Variants in INTS8 observed in about 807,000 individuals in gnomAD.
INTS8 encodes integrator complex subunit 8, also known as protein kaonashi-1.
INTS8 carries 47 observed loss-of-function variants against 138.9 expected under a neutral mutation model. The ratio of observed to expected loss-of-function variants is 0.34; its 90% confidence interval spans 0.27 to 0.43. INTS8 has a LOEUF of 0.43. Among genes scored for constraint, INTS8 ranks in the 20% least tolerant of loss-of-function variants. INTS8 has a pLI of 1.00. For missense variants in INTS8, 996 were observed against 1,173.0 expected (o/e 0.85, Z 2.20); for synonymous variants, 392 against 400.9 (o/e 0.98, Z 0.27).
At chr8:94,865,368 A>G in intron 16 of INTS8, 138 bp from the exon 17 acceptor site, 1 of 651,056 alleles carries the variant, frequency 1.5e-6, no homozygotes, top group East Asian at 2.8e-5. Context: ...AAGGTTGTAC[A>G]GAATGCACAG....
chr8:94,836,481 C>T (rs1314820192), intron 6 of INTS8, 43 bp from the exon 7 acceptor site: 1 of 1,463,318 alleles, frequency 6.8e-7, no homozygotes, highest in Non-Finnish European at 9.5e-7. Flanking sequence ...CTCTTAAGTA[C>T]CTGAGAAATT....
intron 1 of INTS8, among the ~76,000 whole-genome samples, chr8:94,824,168 A>G (rs538325067): frequency 2.6e-4 from 40 of 152,304 alleles, no homozygotes; most frequent in African/African-American, 9.1e-4. Flanking sequence ...ATGGGGGAGG[A>G]GGAAAACTCC....
chr8:94,853,086 T>A (rs1815611233), intron 13 of INTS8, among the ~76,000 whole-genome samples: 1 of 151,882 alleles, frequency 6.6e-6, no homozygotes, highest in Non-Finnish European at 1.5e-5. Flanking sequence ...CTGAGATGGG[T>A]GGATCACTTG....
intron 6 of INTS8, among the ~76,000 whole-genome samples, chr8:94,834,615 A>T (rs1814855776): frequency 6.6e-6 from 1 of 151,830 alleles, no homozygotes; most frequent in Admixed American, 6.6e-5. Flanking sequence ...GAGGCAGGAG[A>T]ATCGCTTGAA....
chr8:94,837,309 C>T (rs1025353549), intron 7 of INTS8, among the ~76,000 whole-genome samples: 3 of 151,994 alleles, frequency 2.0e-5, no homozygotes, highest in African/African-American at 7.3e-5. Context: ...TTTTATGATT[C>T]AGATGACTGA....
At chr8:94,852,615 T>C (rs1388688504) in intron 13 of INTS8, among the ~76,000 whole-genome samples, 1 of 150,180 alleles carries the variant, frequency 6.7e-6, no homozygotes, top group South Asian at 2.1e-4. Flanking sequence ...TGAGACTGAG[T>C]TTCACTATTG....
intron 14 of INTS8, among the ~76,000 whole-genome samples, chr8:94,854,884 A>G (rs925609153): frequency 4.7e-5 from 7 of 149,514 alleles, no homozygotes; most frequent in Non-Finnish European, 1.0e-4. Context: ...GGCATGTGCC[A>G]CCATGCCCAG....
intron 16 of INTS8, among the ~76,000 whole-genome samples, chr8:94,862,430 A>G (rs1816025490): frequency 6.6e-6 from 1 of 152,236 alleles, no homozygotes. Context: ...AAGACAGCAT[A>G]GTAACTCTTC....
At chr8:94,829,081 A>C in intron 5 of INTS8, 55 bp downstream of exon 5, 1 of 1,316,460 alleles carries the variant, frequency 7.6e-7, no homozygotes, top group African/African-American at 1.5e-5. Flanking sequence ...TTAGAGCAGC[A>C]GTTCCCAACC....
At chr8:94,837,006 T>C (rs1814950085) in intron 7 of INTS8, among the ~76,000 whole-genome samples, 1 of 152,190 alleles carries the variant, frequency 6.6e-6, no homozygotes, top group Non-Finnish European at 1.5e-5. Flanking sequence ...GCTGCAATAT[T>C]TGTATCTGCA....
chr8:94,827,193 T>C (rs977831573), intron 2 of INTS8, 70 bp from the exon 3 acceptor site: 24 of 1,333,334 alleles, frequency 1.8e-5, no homozygotes, highest in East Asian at 4.6e-5. Flanking sequence ...AGCGAGGATA[T>C]GGAATTTTGT....
chr8:94,860,438 G>C (rs1815912864), intron 16 of INTS8: 1 of 151,952 alleles, frequency 6.6e-6, no homozygotes, highest in Admixed American at 6.6e-5. Context: ...AAATTAGCCA[G>C]GTGTGGTGGC....
In INTS8 at chr8:94,880,303, G is replaced by T; in HGVS notation, c.*69G>T. Reference sequence around the variant, plus strand: ...AAAATAAACAGTATTAAAAGGTTAAGTTTATATAATACATATGTACACAAT... The same window carrying T: ...AAAATAAACAGTATTAAAAGGTTAATTTTATATAATACATATGTACACAAT... On this transcript the variant is annotated 3_prime_UTR_variant, in exon 27 of 27. Coordinates refer to ENST00000523731, the MANE Select transcript of INTS8 (RefSeq NM_017864.4). 1 of 781,920 alleles carries T rather than the reference G, an allele frequency of 1.3e-6. No homozygotes were observed. The highest frequency in any genetic ancestry group is 2.1e-6 in the Non-Finnish European group (1 of 474,192). 48.4% of individuals were successfully genotyped at this position (781,920 alleles called of 1,614,324 possible). A position where few individuals can be genotyped will look rare whatever the true frequency, so the allele number is the denominator to read the frequency against.
chr8:94,831,443 A>G (rs1279790253), intron 5 of INTS8, among the ~76,000 whole-genome samples: 1 of 150,576 alleles, frequency 6.6e-6, no homozygotes, highest in Non-Finnish European at 1.5e-5. Flanking sequence ...TCTACAGAAA[A>G]AAGATACCAG....
chr8:94,837,655 T>C (rs1008779858), intron 7 of INTS8, among the ~76,000 whole-genome samples: 9 of 152,202 alleles, frequency 5.9e-5, no homozygotes, highest in East Asian at 3.8e-4. Flanking sequence ...TCTGCTGGTA[T>C]GTGTCTTTTA....
intron 20 of INTS8, among the ~76,000 whole-genome samples, chr8:94,868,362 C>T (rs562352840): frequency 1.3e-5 from 2 of 152,122 alleles, no homozygotes; most frequent in Non-Finnish European, 2.9e-5. Context: ...GAAAAGATTT[C>T]GGTACATAGA....
Position 94,859,494 on chromosome 8 carries a change from T to C in INTS8, c.1955-17T>C. On this transcript the variant is annotated splice_polypyrimidine_tract_variant and intron_variant, in intron 15 of 26. Coordinates refer to ENST00000523731, the MANE Select transcript of INTS8 (RefSeq NM_017864.4). ...GTTGTGATGGTAATTCCAACTGTTT[T>C]CTTCTTTGCTTTTTAGATATTCCTC... 5 of 1,610,010 alleles carry C rather than the reference T, an allele frequency of 3.1e-6. No individual in the cohort carries two copies. Among genetic ancestry groups the C allele is most frequent in the Non-Finnish European group, 4.2e-6 (5 of 1,177,474 alleles).
intron 18 of INTS8, 88 bp from the exon 19 acceptor site, chr8:94,867,052 G>GAAT: frequency 1.0e-6 from 1 of 998,142 alleles, no homozygotes; most frequent in Non-Finnish European, 1.5e-6. Context: ...GGGTCTTTTA[G>GAAT]AATGCTTGAT....
At chr8:94,842,561 A>T in intron 10 of INTS8, 73 bp downstream of exon 10, 1 of 1,217,732 alleles carries the variant, frequency 8.2e-7, no homozygotes, top group Non-Finnish European at 1.1e-6. Flanking sequence ...TTAATTGCCA[A>T]ATCCAGTTCC....
Sources: gnomAD v4.1 joint callset for allele counts (sites outside exome capture counted in the v4.1 genomes callset) on GRCh38, gnomAD v4.1.1 for gene constraint, MANE v1.5 for transcripts, NCBI Gene and HGNC (gene_info 2026-07-23, HGNC 2026-07-21) for gene names.